The following PIKFYVE variants were observed in gnomAD, a reference collection of about 807,000 sequenced individuals.
PIKFYVE encodes phosphoinositide kinase, FYVE-type zinc finger containing, also known as 1-phosphatidylinositol 3-phosphate 5-kinase.
In PIKFYVE, 122 loss-of-function variants were observed where a neutral mutation model predicts 257.9. The observed-to-expected ratio is 0.47, with a 90% CI of 0.41 to 0.55. The LOEUF (loss-of-function observed/expected upper bound fraction) is 0.55. PIKFYVE is among the 20% of genes least tolerant of loss of function. The pLI is 0.00. For missense variants in PIKFYVE, 2,160 were observed against 2,536.6 expected (o/e 0.85, Z 3.19); for synonymous variants, 892 against 868.9 (o/e 1.03, Z -0.47).
At chr2:208,341,311 T>TA (rs1249720652) in intron 31 of PIKFYVE, among the ~76,000 whole-genome samples, 3 of 152,166 alleles carry the variant, frequency 2.0e-5, no homozygotes, top group Non-Finnish European at 2.9e-5. Flanking sequence ...CTTTTTTTTT[T>TA]AATATAGTTT....
chr2:208,352,850 A>C, intron 39 of PIKFYVE, 68 bp downstream of exon 39: 1 of 1,543,606 alleles, frequency 6.5e-7, no homozygotes, highest in Non-Finnish European at 8.9e-7. Flanking sequence ...TCTTAAATAT[A>C]GTGAATCAGA....
chr2:208,347,089 C>A (rs544443845), intron 34 of PIKFYVE, among the ~76,000 whole-genome samples: 2 of 152,256 alleles, frequency 1.3e-5, no homozygotes, highest in African/African-American at 4.8e-5. Context: ...GTTACACACC[C>A]CACCCCGCTC....
chr2:208,330,811 C>T, intron 23 of PIKFYVE, 117 bp downstream of exon 23: 2 of 1,035,482 alleles, frequency 1.9e-6, no homozygotes, highest in Non-Finnish European at 2.8e-6. Flanking sequence ...TTATAGAGCT[C>T]TATTTGTCAT....
Position 208,267,374 on chromosome 2 carries a change from C to A in PIKFYVE, c.-10+959C>A, listed in dbSNP as rs557993854. On this transcript the variant is annotated intron_variant, in intron 1 of 41. Transcript: ENST00000264380. The stretch of plus-strand genomic sequence containing the variant: ...GCAAGGCTAATTTCCTGTGTTCTCC[C>A]TTTTTCTGCTTTCTGGATCCTGCTC... Among the ~76,000 whole-genome samples the A allele has an allele frequency of 5.3e-5, 8 of 152,234 alleles. No individual in the cohort carries two copies. In the East Asian group the frequency reaches 1.5e-3, roughly 29 times the overall value.
chr2:208,304,911 G>T lies in PIKFYVE; in HGVS notation c.1534G>T (p.Ala512Ser). ...SFQSTVDSDS[A>S]ASISLNVELD... is the part of the protein sequence containing the mutation. ...CCAGTCCACAGTGGACAGTGACTCAGCCGCTTCTATCAGCCTGAACGTGGA... is the reference window on the plus strand; with the variant it reads ...CCAGTCCACAGTGGACAGTGACTCATCCGCTTCTATCAGCCTGAACGTGGA... Residue 512 changes from alanine (A) to serine (S), a missense_variant, in exon 12 of 42, where the codon GCC becomes TCC. By Grantham distance (99) the Ala-to-Ser change is moderately conservative. Around this residue, in one of 12 missense-constraint regions of PIKFYVE, gnomAD observed 346 missense variants for 365.6 expected, o/e 0.95. Transcript: ENST00000264380. 2 of 1,614,138 alleles carry T rather than the reference G, an allele frequency of 1.2e-6. No homozygotes were observed. The highest frequency in any genetic ancestry group is 8.5e-7 in the Non-Finnish European group (1 of 1,180,024).
intron 26 of PIKFYVE, 38 bp downstream of exon 26, chr2:208,335,939 T>C: frequency 6.3e-7 from 1 of 1,580,496 alleles, no homozygotes; most frequent in Non-Finnish European, 8.7e-7. Context: ...AAAAGTTAAT[T>C]ATTGATTAAA....
At chr2:208,269,487 C>T (rs1312478262) in intron 1 of PIKFYVE, 12 of 254,552 alleles carry the variant, frequency 4.7e-5, no homozygotes, top group Non-Finnish European at 9.9e-5. Flanking sequence ...CTTTGCTGTT[C>T]CCCTCCTTGA....
At chr2:208,279,154 A>T (rs547984456) in intron 5 of PIKFYVE, among the ~76,000 whole-genome samples, 2 of 152,294 alleles carry the variant, frequency 1.3e-5, no homozygotes, top group South Asian at 4.1e-4. Context: ...ACTAATGATC[A>T]TTGATGTGGA....
rs1358256338 is a variant in PIKFYVE, at chr2:208,279,186, C to G, written c.613+1478C>G. 2.0e-5 allele frequency among the ~76,000 whole-genome samples: 3 copies of G among 152,092 alleles called. No homozygotes were observed. The East Asian group carries it at 5.8e-4, about 29-fold the overall frequency. On this transcript the variant is annotated intron_variant, in intron 5 of 41. Coordinates refer to ENST00000264380, the MANE Select transcript of PIKFYVE (RefSeq NM_015040.4). ...TGGAACATTTTTTCATGTTTGTTGGCCACTTGTAGGTCTTTTTTTGAGAAG... is the reference window on the plus strand; with the variant it reads ...TGGAACATTTTTTCATGTTTGTTGGGCACTTGTAGGTCTTTTTTTGAGAAG...
chr2:208,353,562 T>A (rs1699961994), intron 39 of PIKFYVE, among the ~76,000 whole-genome samples: 1 of 151,842 alleles, frequency 6.6e-6, no homozygotes, highest in Non-Finnish European at 1.5e-5. Context: ...TTTTTAACAC[T>A]GTTTTGTGAT....
At chr2:208,286,617 G>T (rs971448905) in intron 6 of PIKFYVE, among the ~76,000 whole-genome samples, 3 of 151,872 alleles carry the variant, frequency 2.0e-5, no homozygotes, top group Non-Finnish European at 4.4e-5. Flanking sequence ...GCTCAGGGCA[G>T]CCTCGAATCC....
chr2:208,330,865 T>G (rs1307925832), intron 23 of PIKFYVE, among the ~76,000 whole-genome samples, 171 bp downstream of exon 23: 1 of 152,112 alleles, frequency 6.6e-6, no homozygotes, highest in African/African-American at 2.4e-5. Context: ...CTAGTATTCG[T>G]TTTTTGAAGA....
intron 1 of PIKFYVE, among the ~76,000 whole-genome samples, chr2:208,271,190 A>G (rs1689377231): frequency 6.6e-6 from 1 of 152,174 alleles, no homozygotes; most frequent in African/African-American, 2.4e-5. Context: ...TGATGTGAAA[A>G]TGCTTATTTT....
chr2:208,308,399 T>TA (rs59329195), intron 12 of PIKFYVE, among the ~76,000 whole-genome samples: 134,485 of 145,652 alleles, frequency 0.92, 62,492 homozygotes, highest in Non-Finnish European at 0.98. Flanking sequence ...AGACTTTATC[T>TA]AAAAAAAAAA....
chr2:208,274,038 C>G (rs1427965786), intron 3 of PIKFYVE: 3 of 1,612,082 alleles, frequency 1.9e-6, no homozygotes, highest in South Asian at 1.1e-5. Context: ...TTTGCAACAT[C>G]CCCAGGAGAA....
chr2:208,332,161 G>A (rs1697617778), intron 23 of PIKFYVE, among the ~76,000 whole-genome samples: 1 of 152,190 alleles, frequency 6.6e-6, no homozygotes, highest in African/African-American at 2.4e-5. Flanking sequence ...AAAATGGGCA[G>A]AGGACATGAC....
chr2:208,327,260 G>C (rs1697032276), intron 20 of PIKFYVE, among the ~76,000 whole-genome samples: 1 of 152,042 alleles, frequency 6.6e-6, no homozygotes, highest in African/African-American at 2.4e-5. Flanking sequence ...ATGTACATTT[G>C]TATAAATTTA....
At position 208,325,773 on chromosome 2, in the gene PIKFYVE, C is replaced by T. The variant is rs121918337; in HGVS notation, c.2962C>T (p.Gln988Ter). The change falls in exon 20 of 42, where the codon CAA becomes TAA. Residue 988 changes from glutamine (Q) to a stop codon, truncating the protein, a stop_gained. Transcript: ENST00000264380. LOFTEE classifies it high-confidence loss of function. ...GTTGCCACTCCCTGTGGATGACCAA[C>T]AAGATGCTTTAGGCAGCGAGCAGCC... ...SLLPLPVDDQ[Q>*]DALGSEQPET... The T allele has an allele frequency of 6.2e-7, 1 of 1,613,922 alleles. No individual in the cohort carries two copies. Among genetic ancestry groups the T allele is most frequent in the Non-Finnish European group, 8.5e-7 (1 of 1,179,896 alleles).
At position 208,358,020 on chromosome 2, in the gene PIKFYVE, G is replaced by C. The variant is rs1188947351; in HGVS notation, c.*2715G>C. The C allele has an allele frequency of 2.0e-5, 3 of 152,148 alleles. No individual in the cohort carries two copies. The highest frequency in any genetic ancestry group is 4.4e-5 in the Non-Finnish European group (3 of 68,012). The allele number at this position is 152,148 out of a possible 1,614,324, so 9.4% of individuals were successfully genotyped here. On this transcript the variant is annotated 3_prime_UTR_variant, in exon 42 of 42. Transcript: ENST00000264380. ...AGAAAAATAATGAGAACAAGCTGTT[G>C]CAAGCTCTTTTGTAGTCTATTGAAT...
Sources: gnomAD v4.1 joint callset for allele counts (sites outside exome capture counted in the v4.1 genomes callset) on GRCh38, gnomAD v4.1.1 for gene constraint, gnomAD v4.1.1 regional missense constraint, MANE v1.5 for transcripts, NCBI Gene and HGNC (gene_info 2026-07-23, HGNC 2026-07-21) for gene names.